Variants in PTPN2 observed in about 807,000 individuals in gnomAD.
The protein encoded by PTPN2 is tyrosine-protein phosphatase non-receptor type 2.
A neutral mutation model predicts 57.3 loss-of-function variants in PTPN2; 19 were observed. The observed-to-expected ratio is 0.33, with a 90% CI of 0.23 to 0.49. PTPN2 has a LOEUF of 0.49. Ranked by LOEUF, PTPN2 falls within the 20% of genes least tolerant of loss-of-function variation. The pLI is 0.99. For synonymous variants in PTPN2, 153 were observed against 164.9 expected (o/e 0.93, Z 0.55); for missense variants, 358 against 501.1 (o/e 0.71, Z 2.73).
chr18:12,818,389 T>C (rs184930328), intron 5 of PTPN2, among the ~76,000 whole-genome samples: 48 of 152,352 alleles, frequency 3.2e-4, no homozygotes, highest in Non-Finnish European at 8.8e-5. Flanking sequence ...ATCCTAAAGC[T>C]GTTTATATGC....
At chr18:12,840,312 TTC>T (rs999876060) in intron 2 of PTPN2, among the ~76,000 whole-genome samples, 180 of 152,342 alleles carry the variant, frequency 1.2e-3, no homozygotes, top group African/African-American at 4.0e-3. Context: ...ATATTATGCA[TTC>T]TCTCTCATAA....
intron 1 of PTPN2, among the ~76,000 whole-genome samples, chr18:12,874,310 AG>A (rs375068106): frequency 0.064 from 7,950 of 124,482 alleles, 363 homozygotes; most frequent in East Asian, 0.13. Flanking sequence ...TGGGGGGGTC[AG>A]CCCCCCGCTT....
chr18:12,842,063 C>A (rs774304238), intron 2 of PTPN2, among the ~76,000 whole-genome samples: 5 of 152,124 alleles, frequency 3.3e-5, no homozygotes, highest in Non-Finnish European at 2.9e-5. Flanking sequence ...TGTGCCACCA[C>A]GCCCAGCTAA....
chr18:12,876,296 A>AAAGAAGAAG (rs71174150), intron 1 of PTPN2, among the ~76,000 whole-genome samples: 4,951 of 145,110 alleles, frequency 0.034, 260 homozygotes, highest in African/African-American at 0.11. Flanking sequence ...ACAACAACAA[A>AAAGAAGAAG]AAGAAGAAGA....
At position 12,884,200 on chromosome 18, in the gene PTPN2, G is replaced by C. The variant is rs1275973861; in HGVS notation, c.-59C>G. ...GCGCCGGCGGAGAGGCTCAGGCCCC[G>C]CACGATCCGGGGAGAGCGCTGGCGC... On this transcript the variant is annotated 5_prime_UTR_variant, in exon 1 of 9. Transcript: ENST00000309660. 5 of 1,406,614 alleles carry C rather than the reference G, an allele frequency of 3.6e-6. No homozygotes were observed. Among genetic ancestry groups the C allele is most frequent in the African/African-American group, 1.5e-5 (1 of 66,942 alleles). 87.1% of individuals were successfully genotyped at this position (1,406,614 alleles called of 1,614,324 possible). A position where few individuals can be genotyped will look rare whatever the true frequency, so the allele number is the denominator to read the frequency against.
intron 2 of PTPN2, among the ~76,000 whole-genome samples, chr18:12,855,265 C>G (rs989764958): frequency 1.3e-5 from 2 of 151,940 alleles, no homozygotes; most frequent in African/African-American, 4.8e-5. Flanking sequence ...AATGTCCATC[C>G]ATGTAGGTAA....
At chr18:12,794,804 G>T (rs1394313479) in intron 8 of PTPN2, among the ~76,000 whole-genome samples, 4 of 152,110 alleles carry the variant, frequency 2.6e-5, no homozygotes, top group Non-Finnish European at 5.9e-5. Context: ...TGTATTTTTA[G>T]TAGAGACAGG....
intron 1 of PTPN2, among the ~76,000 whole-genome samples, chr18:12,870,353 G>GTATATATGTATATATACA (rs2044174645): frequency 3.5e-4 from 13 of 37,324 alleles, no homozygotes; most frequent in Admixed American, 5.2e-4. Context: ...ATATATATGT[G>GTATATATGTATATATACA]TATATATATG....
intron 8 of PTPN2, among the ~76,000 whole-genome samples, chr18:12,795,812 T>C (rs528579077): frequency 3.3e-5 from 5 of 152,286 alleles, no homozygotes; most frequent in Admixed American, 3.3e-4. Context: ...ATTTCTTCCA[T>C]TCCCTCTTTT....
chr18:12,841,414 C>T (rs1435709486), intron 2 of PTPN2, among the ~76,000 whole-genome samples: 1 of 152,198 alleles, frequency 6.6e-6, no homozygotes, highest in Admixed American at 6.5e-5. Context: ...TAACTCTCAG[C>T]AGCATAGAAG....
At chr18:12,878,926 T>C (rs2044580931) in intron 1 of PTPN2, among the ~76,000 whole-genome samples, 1 of 152,144 alleles carries the variant, frequency 6.6e-6, no homozygotes, top group South Asian at 2.1e-4. Context: ...ACCCATAACA[T>C]AGCTTTTGCG....
At chr18:12,856,662 A>T (rs1185684361) in intron 2 of PTPN2, among the ~76,000 whole-genome samples, 3 of 152,208 alleles carry the variant, frequency 2.0e-5, no homozygotes, top group African/African-American at 7.2e-5. Flanking sequence ...CATAAGTCTA[A>T]AAGCTGAGGA....
intron 7 of PTPN2, among the ~76,000 whole-genome samples, chr18:12,807,604 T>TATATATATATATATAA (rs753128305): frequency 2.1e-5 from 2 of 95,534 alleles, no homozygotes; most frequent in Admixed American, 2.7e-4. Context: ...TATATATATA[T>TATATATATATATATAA]AATATAATAC....
chr18:12,842,951 G>T (rs2043092664), intron 2 of PTPN2, among the ~76,000 whole-genome samples: 2 of 152,198 alleles, frequency 1.3e-5, no homozygotes, highest in African/African-American at 4.8e-5. Context: ...AGCAGGAAAT[G>T]AAATGACGTT....
chr18:12,864,093 T>C (rs1448262856), intron 1 of PTPN2: 2 of 151,798 alleles, frequency 1.3e-5, no homozygotes, highest in Non-Finnish European at 2.9e-5. Flanking sequence ...AAATTGGCAG[T>C]AGCATAAACT....
chr18:12,813,787 T>C (rs1303158615), intron 7 of PTPN2, among the ~76,000 whole-genome samples: 1 of 152,232 alleles, frequency 6.6e-6, no homozygotes, highest in African/African-American at 2.4e-5. Flanking sequence ...ACCAGAAGAA[T>C]ATAACATTTT....
At chr18:12,806,981 G>A (rs775744949) in intron 7 of PTPN2, among the ~76,000 whole-genome samples, 7 of 152,128 alleles carry the variant, frequency 4.6e-5, no homozygotes, top group South Asian at 2.1e-4. Flanking sequence ...GGAAGCAATC[G>A]ATAGACTGAA....
chr18:12,859,043 C>T (rs768457793), intron 2 of PTPN2, 121 bp downstream of exon 2: 91 of 611,884 alleles, frequency 1.5e-4, no homozygotes, highest in Non-Finnish European at 1.9e-4. Flanking sequence ...ACGTGTCTTA[C>T]GTAAATAGGA....
intron 1 of PTPN2, among the ~76,000 whole-genome samples, chr18:12,860,804 C>T (rs1314585751): frequency 6.6e-6 from 1 of 150,404 alleles, no homozygotes; most frequent in Non-Finnish European, 1.5e-5. Flanking sequence ...TTCTGTAAGG[C>T]TATGTCCGCA....
Sources: gnomAD v4.1 joint callset for allele counts (sites outside exome capture counted in the v4.1 genomes callset) on GRCh38, gnomAD v4.1.1 for gene constraint, MANE v1.5 for transcripts, NCBI Gene and HGNC (gene_info 2026-07-23, HGNC 2026-07-21) for gene names.